The following AOPEP variants were observed in gnomAD, a reference collection of about 807,000 sequenced individuals.
AOPEP encodes the protein aminopeptidase O (putative).
A neutral mutation model predicts 98.1 loss-of-function variants in AOPEP; 77 were observed. That is an observed-to-expected ratio of 0.78 (90% CI 0.65 to 0.95). AOPEP has a LOEUF of 0.95. Ranked by LOEUF, AOPEP falls within the 40% of genes least tolerant of loss-of-function variation. The pLI, the probability that AOPEP is intolerant of heterozygous loss-of-function variation, is 0.00. For missense variants in AOPEP, 1,024 were observed against 1,024.7 expected (o/e 1.00, Z 0.01); for synonymous variants, 346 against 365.3 (o/e 0.95, Z 0.60).
chr9:94,821,322 A>G (rs554131082), intron 5 of AOPEP, among the ~76,000 whole-genome samples: 2 of 152,348 alleles, frequency 1.3e-5, no homozygotes, highest in African/African-American at 4.8e-5. Context: ...ATCCTGGCCC[A>G]AAAGACCAAC....
At chr9:95,128,394 G>T in the AOPEP span, among the ~76,000 whole-genome samples, 1 of 152,220 alleles carries the variant, frequency 6.6e-6, no homozygotes, top group Non-Finnish European at 1.5e-5. Context: ...GCTTGGAAAT[G>T]CGTTGATAGA....
chr9:94,914,878 C>T (rs1450526392), intron 5 of AOPEP, among the ~76,000 whole-genome samples: 1 of 152,224 alleles, frequency 6.6e-6, no homozygotes, highest in East Asian at 1.9e-4. Context: ...TCTGTTTTAA[C>T]AAGCCTTTCA....
intron 13 of AOPEP, chr9:95,018,981 T>C (rs2063235090): frequency 6.6e-6 from 1 of 152,236 alleles, no homozygotes; most frequent in South Asian, 2.1e-4. Flanking sequence ...CGTTTGTTTT[T>C]TTCTCCTCCA....
chr9:94,779,708 T>C (rs994075145), intron 3 of AOPEP, among the ~76,000 whole-genome samples: 2 of 151,722 alleles, frequency 1.3e-5, no homozygotes, highest in African/African-American at 4.8e-5. Context: ...AATATAAATA[T>C]TAATATTTTG....
the AOPEP span, among the ~76,000 whole-genome samples, chr9:95,109,179 TGAGA>T: frequency 6.6e-6 from 1 of 152,210 alleles, no homozygotes; most frequent in African/African-American, 2.4e-5. Flanking sequence ...TCCAAAGTGC[TGAGA>T]TTACAGGCAT....
Position 95,005,616 on chromosome 9 carries a change from G to A in AOPEP, c.2115G>A (p.Lys705=), listed in dbSNP as rs1171493980. 2 of 1,613,770 alleles carry A rather than the reference G, an allele frequency of 1.2e-6. No homozygotes were observed. Among genetic ancestry groups the A allele is most frequent in the African/African-American group, 2.7e-5 (2 of 74,918 alleles). ...KRREKEEVFE[K]LLPDQLVLLL... is the part of the protein sequence containing the mutation. ...GGGAGAAGGAAGAGGTGTTTGAAAA[G>A]GTAGGGGTTCCCGAGACGGTACTCG... Residue 705 remains lysine (K), a splice_region_variant and synonymous_variant, in exon 13 of 17, where the codon AAG becomes AAA. Coordinates refer to ENST00000375315, the MANE Select transcript of AOPEP (RefSeq NM_001193329.3).
intron 13 of AOPEP, among the ~76,000 whole-genome samples, chr9:95,035,768 G>A (rs1343938232): frequency 6.6e-6 from 1 of 151,798 alleles, no homozygotes; most frequent in Non-Finnish European, 1.5e-5. Flanking sequence ...TGATCTGCCC[G>A]CCTCAGCCTC....
At chr9:94,826,820 G>T (rs1183519496) in intron 5 of AOPEP, among the ~76,000 whole-genome samples, 1 of 152,160 alleles carries the variant, frequency 6.6e-6, no homozygotes, top group Non-Finnish European at 1.5e-5. Context: ...TGGCAGTACA[G>T]TGGAAGTGGG....
chr9:94,826,758 G>A (rs1355243109), intron 5 of AOPEP, among the ~76,000 whole-genome samples: 1 of 152,134 alleles, frequency 6.6e-6, no homozygotes, highest in Non-Finnish European at 1.5e-5. Context: ...ATTGGTCATG[G>A]TGATGGAGCT....
chr9:95,114,556 T>C, the AOPEP span: 6 of 1,335,766 alleles, frequency 4.5e-6, no homozygotes, highest in Non-Finnish European at 6.5e-6. Context: ...CTGTCAGCCC[T>C]GCTCAAAGGG....
intron 13 of AOPEP, among the ~76,000 whole-genome samples, chr9:95,036,495 T>C (rs979472544): frequency 1.3e-5 from 2 of 152,186 alleles, no homozygotes; most frequent in African/African-American, 4.8e-5. Context: ...AGGTATTTAA[T>C]CTTTTTTAAA....
intron 9 of AOPEP, among the ~76,000 whole-genome samples, chr9:94,961,780 AAG>A (rs2058856678): frequency 6.6e-6 from 1 of 152,162 alleles, no homozygotes; most frequent in Non-Finnish European, 1.5e-5. Context: ...TGTTTTCTTC[AAG>A]GCGGGATTCC....
At chr9:94,928,035 A>G (rs1262972568) in intron 6 of AOPEP, among the ~76,000 whole-genome samples, 1 of 152,204 alleles carries the variant, frequency 6.6e-6, no homozygotes, top group African/African-American at 2.4e-5. Flanking sequence ...AGGGCTGGGG[A>G]AAATCGGAGG....
chr9:95,031,318 T>C (rs752358689), intron 13 of AOPEP, among the ~76,000 whole-genome samples: 1 of 152,206 alleles, frequency 6.6e-6, no homozygotes, highest in Non-Finnish European at 1.5e-5. Context: ...GTCTACTCTT[T>C]TAGTTTAAAA....
At chr9:95,069,575 T>C (rs550305281) in intron 14 of AOPEP, among the ~76,000 whole-genome samples, 14 of 152,342 alleles carry the variant, frequency 9.2e-5, no homozygotes, top group Non-Finnish European at 1.8e-4. Flanking sequence ...ACCAGTGTTA[T>C]TAAATAAAAG....
At position 95,050,827 on chromosome 9, in the gene AOPEP, TG is replaced by T. The variant is rs1326452603; in HGVS notation, c.2116-9866del. Among the ~76,000 whole-genome samples the T allele has an allele frequency of 2.0e-5, 3 of 152,230 alleles. No individual in the cohort carries two copies. The East Asian group carries it at 5.8e-4, about 29-fold the overall frequency. ...TTATGTTGTCTTGACTGTGTGTCTATGCACAAGAAAGGACAGGAACTGGGAG... is the reference window on the plus strand; with the variant it reads ...TTATGTTGTCTTGACTGTGTGTCTATCACAAGAAAGGACAGGAACTGGGAG... On this transcript the variant is annotated intron_variant, in intron 13 of 16. Coordinates refer to ENST00000375315, the MANE Select transcript of AOPEP (RefSeq NM_001193329.3).
intron 3 of AOPEP, among the ~76,000 whole-genome samples, chr9:94,792,458 G>C (rs893288743): frequency 6.6e-6 from 1 of 152,068 alleles, no homozygotes; most frequent in African/African-American, 2.4e-5. Context: ...CTCTGTAGGA[G>C]CATACAGCCT....
At chr9:95,150,066 C>G in the AOPEP span, 1 of 1,614,064 alleles carries the variant, frequency 6.2e-7, no homozygotes, top group Non-Finnish European at 8.5e-7. Context: ...GTGACAGGGA[C>G]GCCACTCGCT....
intron 11 of AOPEP, among the ~76,000 whole-genome samples, chr9:94,994,286 TCTAA>T (rs1357582223): frequency 6.6e-6 from 1 of 152,228 alleles, no homozygotes; most frequent in Non-Finnish European, 1.5e-5. Flanking sequence ...ATGTAGATTG[TCTAA>T]CTCTCTATAG....
Sources: gnomAD v4.1 joint callset for allele counts (sites outside exome capture counted in the v4.1 genomes callset) on GRCh38, gnomAD v4.1.1 for gene constraint, MANE v1.5 for transcripts, NCBI Gene and HGNC (gene_info 2026-07-23, HGNC 2026-07-21) for gene names.